CLSTN2: variants seen among roughly 807,000 people sequenced by gnomAD.
CLSTN2 encodes the protein calsyntenin 2, also known as calsyntenin-2.
In CLSTN2, 48 loss-of-function variants were observed where a neutral mutation model predicts 101.2. That is an observed-to-expected ratio of 0.47 (90% CI 0.38 to 0.60). CLSTN2 has a LOEUF of 0.60. CLSTN2 is among the 20% of genes least tolerant of loss of function. The pLI, the probability that CLSTN2 is intolerant of heterozygous loss-of-function variation, is 0.00. For synonymous variants in CLSTN2, 481 were observed against 463.6 expected (o/e 1.04, Z -0.48); for missense variants, 1,160 against 1,238.2 (o/e 0.94, Z 0.95).
At chr3:140,390,830 G>A (rs2088106679) in intron 2 of CLSTN2, among the ~76,000 whole-genome samples, 1 of 152,180 alleles carries the variant, frequency 6.6e-6, no homozygotes, top group Non-Finnish European at 1.5e-5. Context: ...CTTAGGAAAA[G>A]GTCCTATTTC....
intron 1 of CLSTN2, among the ~76,000 whole-genome samples, chr3:140,038,844 G>GTCCTTTGC (rs1324444110): frequency 6.6e-6 from 1 of 152,086 alleles, no homozygotes; most frequent in Non-Finnish European, 1.5e-5. Flanking sequence ...AATGTATTAG[G>GTCCTTTGC]TCAAACTATA....
At chr3:140,497,687 G>A (rs967836654) in intron 8 of CLSTN2, among the ~76,000 whole-genome samples, 1 of 152,126 alleles carries the variant, frequency 6.6e-6, no homozygotes. Context: ...GGGAGTGTAC[G>A]GATGGATCTC....
intron 2 of CLSTN2, among the ~76,000 whole-genome samples, chr3:140,251,442 C>T (rs1051799956): frequency 3.3e-5 from 5 of 152,126 alleles, no homozygotes; most frequent in South Asian, 2.1e-4. Context: ...TGCTAATTTC[C>T]TTTTCTTGAA....
chr3:140,543,583 G>A (rs560204051), intron 9 of CLSTN2, among the ~76,000 whole-genome samples: 13 of 152,322 alleles, frequency 8.5e-5, no homozygotes, highest in East Asian at 3.9e-4. Flanking sequence ...GCAGGGCAGA[G>A]AGCAGGGCAG....
intron 1 of CLSTN2, among the ~76,000 whole-genome samples, chr3:140,155,203 G>T (rs1262338450): frequency 6.6e-6 from 1 of 152,184 alleles, no homozygotes; most frequent in Non-Finnish European, 1.5e-5. Context: ...AAACTAAGGG[G>T]TTCTTGCAGA....
At chr3:140,495,039 A>G (rs1319530219) in intron 8 of CLSTN2, among the ~76,000 whole-genome samples, 3 of 152,204 alleles carry the variant, frequency 2.0e-5, no homozygotes, top group Non-Finnish European at 2.9e-5. Flanking sequence ...GAACCGCCAC[A>G]CTGTCTTCCA....
chr3:140,352,588 G>A (rs762094732), intron 2 of CLSTN2, among the ~76,000 whole-genome samples: 6 of 152,250 alleles, frequency 3.9e-5, no homozygotes, highest in African/African-American at 7.2e-5. Flanking sequence ...TTTGCATTCC[G>A]ACAATGGATG....
At chr3:140,261,490 C>T (rs1206387223) in intron 2 of CLSTN2, among the ~76,000 whole-genome samples, 1 of 152,118 alleles carries the variant, frequency 6.6e-6, no homozygotes, top group East Asian at 1.9e-4. Context: ...CCAGGCTCAT[C>T]TTCTGTATTC....
chr3:140,026,279 A>G lies in CLSTN2; in HGVS notation c.109+90796A>G, dbSNP rs145192676. Among the ~76,000 whole-genome samples, 1,502 of 152,304 alleles carry G rather than the reference A, an allele frequency of 9.9e-3. 20 individuals carry two copies. Among genetic ancestry groups the G allele is most frequent in the African/African-American group, 0.034 (1,420 of 41,552 alleles). ...ATTTTGTTGGGGGGAAAGTGCCGAG[A>G]GCATAAAAGCCAACCATACCCAATA... On this transcript the variant is annotated intron_variant, in intron 1 of 16. Coordinates refer to ENST00000458420, the MANE Select transcript of CLSTN2 (RefSeq NM_022131.3).
intron 5 of CLSTN2, among the ~76,000 whole-genome samples, chr3:140,434,905 A>T (rs1021351237): frequency 1.6e-4 from 24 of 152,124 alleles, no homozygotes; most frequent in Non-Finnish European, 3.2e-4. Context: ...TTTTAAAAAA[A>T]ATTTTTTTAA....
At chr3:140,474,353 A>G (rs933939218) in intron 8 of CLSTN2, among the ~76,000 whole-genome samples, 17 of 152,094 alleles carry the variant, frequency 1.1e-4, no homozygotes, top group Middle Eastern at 3.2e-3. Context: ...AGGAAGAGGC[A>G]CTGCTTTTTA....
intron 8 of CLSTN2, among the ~76,000 whole-genome samples, chr3:140,490,828 C>T (rs1239135265): frequency 6.6e-6 from 1 of 152,180 alleles, no homozygotes; most frequent in Non-Finnish European, 1.5e-5. Context: ...TGTCTAGTAC[C>T]TGCCCACATG....
chr3:140,234,340 A>G (rs1007679477), intron 2 of CLSTN2, among the ~76,000 whole-genome samples: 3 of 152,172 alleles, frequency 2.0e-5, no homozygotes, highest in African/African-American at 7.2e-5. Flanking sequence ...TTCCCAGGCC[A>G]TTGAGGGTAG....
At chr3:140,074,302 C>G (rs1344415666) in intron 1 of CLSTN2, among the ~76,000 whole-genome samples, 2 of 152,278 alleles carry the variant, frequency 1.3e-5, no homozygotes, top group East Asian at 1.9e-4. Context: ...CCCCCACCCC[C>G]CAACAGTGGA....
chr3:140,448,558 G>C lies in CLSTN2; in HGVS notation c.827G>C (p.Ser276Thr). 6.2e-7 allele frequency: 1 copy of C among 1,614,070 alleles called. No individual in the cohort carries two copies. The highest frequency in any genetic ancestry group is 1.3e-5 in the African/African-American group (1 of 75,012). The change falls in exon 6 of 17, where the codon AGC (serine) becomes ACC (threonine). Residue 276 changes from serine to threonine, a missense_variant. Physicochemically the swap from Ser to Thr is moderately conservative, Grantham distance 58. Transcript: ENST00000458420. The part of the protein sequence containing the change: ...KRIEYQPGSG[S>T]MPLFPSIHLE... ...ATTGAGTACCAGCCTGGCTCCGGGA[G>C]CATGCCCCTGTTCCCCAGCATCCAC...
At chr3:140,196,665 G>C (rs2010647583) in intron 2 of CLSTN2, among the ~76,000 whole-genome samples, 1 of 152,180 alleles carries the variant, frequency 6.6e-6, no homozygotes, top group Non-Finnish European at 1.5e-5. Flanking sequence ...AGTGGGGGTA[G>C]AAACAGAAAG....
At chr3:140,057,836 A>G (rs775368533) in intron 1 of CLSTN2, among the ~76,000 whole-genome samples, 6 of 152,226 alleles carry the variant, frequency 3.9e-5, no homozygotes, top group Non-Finnish European at 7.3e-5. Context: ...TCCAAGTCAT[A>G]GATTCCTATA....
At chr3:140,234,943 C>T (rs1365788461) in intron 2 of CLSTN2, among the ~76,000 whole-genome samples, 1 of 152,188 alleles carries the variant, frequency 6.6e-6, no homozygotes, top group Admixed American at 6.5e-5. Flanking sequence ...ACTATGGCTA[C>T]CGCCACAGAG....
chr3:140,185,465 G>C (rs1220145850), intron 2 of CLSTN2, among the ~76,000 whole-genome samples: 1 of 152,202 alleles, frequency 6.6e-6, no homozygotes, highest in African/African-American at 2.4e-5. Flanking sequence ...TCGTCGACAA[G>C]TAATGATGCA....
Sources: allele counts gnomAD v4.1 joint callset (sites outside exome capture counted in the v4.1 genomes callset), GRCh38; gene constraint gnomAD v4.1.1; transcripts MANE v1.5; gene names NCBI Gene and HGNC (gene_info 2026-07-23, HGNC 2026-07-21).